EPB41L4B: variants seen among roughly 807,000 people sequenced by gnomAD.
EPB41L4B encodes the protein band 4.1-like protein 4B.
In EPB41L4B, 30 loss-of-function variants were observed where a neutral mutation model predicts 112.5. That is an observed-to-expected ratio of 0.27 (90% CI 0.20 to 0.36). The LOEUF (loss-of-function observed/expected upper bound fraction) is 0.36. Ranked by LOEUF, EPB41L4B falls within the 10% of genes least tolerant of loss-of-function variation. The pLI, the probability that EPB41L4B is intolerant of heterozygous loss-of-function variation, is 1.00. For synonymous variants in EPB41L4B, 408 were observed against 439.7 expected, an observed-to-expected ratio of 0.93 and a Z score of 0.90; for missense variants, 1,024 against 1,133.3, an observed-to-expected ratio of 0.90 and a Z score of 1.38.
intron 1 of EPB41L4B, among the ~76,000 whole-genome samples, chr9:109,302,204 A>AC (rs1437842048): frequency 1.3e-5 from 2 of 151,884 alleles, no homozygotes; most frequent in East Asian, 1.9e-4. Flanking sequence ...TCCCTGACTT[A>AC]GTCTTTATCT....
chr9:109,317,892 A>G (rs1415451647), intron 1 of EPB41L4B, among the ~76,000 whole-genome samples: 1 of 152,234 alleles, frequency 6.6e-6, no homozygotes, highest in African/African-American at 2.4e-5. Flanking sequence ...AGTGGGTCTG[A>G]GGAGCAGCAA....
intron 14 of EPB41L4B, among the ~76,000 whole-genome samples, chr9:109,244,875 C>T (rs1331455615): frequency 6.6e-6 from 1 of 152,150 alleles, no homozygotes; most frequent in Non-Finnish European, 1.5e-5. Flanking sequence ...GGATACTTTG[C>T]TTAGTAAGCA....
intron 1 of EPB41L4B, among the ~76,000 whole-genome samples, chr9:109,295,419 C>A (rs930626022): frequency 1.3e-5 from 2 of 152,132 alleles, no homozygotes; most frequent in African/African-American, 2.4e-5. Context: ...AAGAACATCA[C>A]GATATGGAAC....
intron 1 of EPB41L4B, among the ~76,000 whole-genome samples, chr9:109,291,513 T>C (rs528286355): frequency 6.6e-6 from 1 of 152,262 alleles, no homozygotes; most frequent in Non-Finnish European, 1.5e-5. Flanking sequence ...GACGCTGTAG[T>C]GAGAAGGGAC....
chr9:109,244,424 T>G, intron 14 of EPB41L4B, among the ~76,000 whole-genome samples: 2 of 128,292 alleles, frequency 1.6e-5, no homozygotes, highest in Admixed American at 8.4e-5. Flanking sequence ...GGAAGGAGGT[T>G]GAAGGTTGTC....
chr9:109,244,405 A>G (rs1408092082), intron 14 of EPB41L4B, among the ~76,000 whole-genome samples: 3 of 149,334 alleles, frequency 2.0e-5, no homozygotes, highest in Admixed American at 2.0e-4. Flanking sequence ...AGAAAGAGAA[A>G]GAAGAGAAGG....
At chr9:109,258,050 G>T in intron 7 of EPB41L4B, 127 bp downstream of exon 7, 1 of 1,009,754 alleles carries the variant, frequency 9.9e-7, no homozygotes, top group Non-Finnish European at 1.5e-6. Context: ...CACAAGGAGA[G>T]AAGAGTTGGC....
rs752403352 is a variant in EPB41L4B, at chr9:109,321,008, A to AGCCGCC, written c.-568_-563dup. 0.025 allele frequency: 4,548 copies of AGCCGCC among 181,286 alleles called. 76 individuals are homozygous for AGCCGCC. The highest frequency in any genetic ancestry group is 0.037 in the Middle Eastern group (14 of 378). 11.2% of individuals were successfully genotyped at this position (181,286 alleles called of 1,614,324 possible). On this transcript the variant is annotated 5_prime_UTR_variant, in exon 1 of 26. Coordinates refer to ENST00000374566, the MANE Select transcript of EPB41L4B (RefSeq NM_019114.5). ...CTCCCACCTGGGAGGCTGCACCTCCAGCCGCCGCCGCCGCCGCCGCCGCCG... is the reference window on the plus strand; with the variant it reads ...CTCCCACCTGGGAGGCTGCACCTCCAGCCGCCGCCGCCGCCGCCGCCGCCGCCGCCG...
At chr9:109,199,729 C>T (rs544193640) in intron 20 of EPB41L4B, among the ~76,000 whole-genome samples, 79 of 152,240 alleles carry the variant, frequency 5.2e-4, no homozygotes, top group African/African-American at 1.9e-3. Context: ...TGTGCCTTTG[C>T]CTTGCTGTCA....
chr9:109,315,902 C>CACTA (rs1310473718), intron 1 of EPB41L4B, among the ~76,000 whole-genome samples: 1 of 152,044 alleles, frequency 6.6e-6, no homozygotes, highest in East Asian at 1.9e-4. Flanking sequence ...AAAGAAGAGC[C>CACTA]AAGCAATGGT....
At chr9:109,232,630 A>T (rs962504135) in intron 15 of EPB41L4B, among the ~76,000 whole-genome samples, 9 of 152,186 alleles carry the variant, frequency 5.9e-5, no homozygotes, top group Non-Finnish European at 7.3e-5. Flanking sequence ...TGAATGAATG[A>T]AATTAAAACA....
chr9:109,217,252 T>A, intron 15 of EPB41L4B, 107 bp from the exon 16 acceptor site: 5 of 892,422 alleles, frequency 5.6e-6, no homozygotes, highest in Admixed American at 2.2e-5. Flanking sequence ...AGAAATAAAC[T>A]CAAAAACTAG....
rs141438307 is a variant in EPB41L4B at position 109,231,031 on chromosome 9, C to T, written c.1409+12587G>A. Among the ~76,000 whole-genome samples, 160 of 152,018 alleles carry T rather than the reference C, an allele frequency of 1.1e-3. 1 individual carries two copies. The highest frequency in any genetic ancestry group is 3.6e-3 in the African/African-American group (150 of 41,466). On this transcript the variant is annotated intron_variant, in intron 15 of 25. Coordinates refer to ENST00000374566, the MANE Select transcript of EPB41L4B (RefSeq NM_019114.5). ...AAAATTAGCTGGGCATAGTGGTGCA[C>T]GCCTGTAGTCCCAGCTACCCAGGAG...
rs972523052 is a variant in EPB41L4B, at chr9:109,172,083, C to T, written c.*2471G>A. On this transcript the variant is annotated 3_prime_UTR_variant, in exon 26 of 26. Coordinates refer to ENST00000374566, the MANE Select transcript of EPB41L4B (RefSeq NM_019114.5). ...TTTGTGGTCAGACTTCCAGTGACGT[C>T]AACCTTCAGAAACTTCAACATCTGT... 5.9e-5 allele frequency: 9 copies of T among 152,178 alleles called. No homozygotes were observed. Among genetic ancestry groups the T allele is most frequent in the Non-Finnish European group, 4.4e-5 (3 of 68,064 alleles). 9.4% of individuals were successfully genotyped at this position (152,178 alleles called of 1,614,324 possible). A position where few individuals can be genotyped will look rare whatever the true frequency, so the allele number is the denominator to read the frequency against.
chr9:109,200,181 A>T, intron 20 of EPB41L4B, 55 bp downstream of exon 20: 2 of 1,457,366 alleles, frequency 1.4e-6, no homozygotes, highest in South Asian at 2.3e-5. Context: ...ATTTGTATCT[A>T]AACAATTAGT....
intron 6 of EPB41L4B, 150 bp from the exon 7 acceptor site, chr9:109,258,447 A>C: frequency 6.6e-6 from 5 of 756,442 alleles, no homozygotes; most frequent in Non-Finnish European, 1.1e-5. Context: ...CTTAACTCTC[A>C]CTTGGGTAGT....
chr9:109,267,955 T>A (rs1163158177), intron 3 of EPB41L4B, among the ~76,000 whole-genome samples: 3 of 152,222 alleles, frequency 2.0e-5, no homozygotes, highest in Non-Finnish European at 4.4e-5. Flanking sequence ...GAATATGAAT[T>A]TTTAAAAATT....
intron 24 of EPB41L4B, among the ~76,000 whole-genome samples, chr9:109,178,288 C>A (rs1440225342): frequency 6.6e-6 from 1 of 151,690 alleles, no homozygotes; most frequent in Non-Finnish European, 1.5e-5. Flanking sequence ...TATTTTATAA[C>A]TAGATTTTTC....
intron 1 of EPB41L4B, among the ~76,000 whole-genome samples, chr9:109,311,098 C>T (rs1281182960): frequency 3.9e-5 from 6 of 152,184 alleles, no homozygotes; most frequent in African/African-American, 9.6e-5. Flanking sequence ...AGATGAAAAA[C>T]GTCTGGAGAC....
Sources: gnomAD v4.1 joint callset for allele counts (sites outside exome capture counted in the v4.1 genomes callset) on GRCh38, gnomAD v4.1.1 for gene constraint, MANE v1.5 for transcripts, NCBI Gene and HGNC (gene_info 2026-07-23, HGNC 2026-07-21) for gene names.